The following FAM227B variants were observed in gnomAD, a reference collection of about 807,000 sequenced individuals.
FAM227B encodes family with sequence similarity 227 member B, also known as protein FAM227B.
A neutral mutation model predicts 73.8 loss-of-function variants in FAM227B; 88 were observed. That is an observed-to-expected ratio of 1.19 (90% CI 1.00 to 1.42). FAM227B has a LOEUF of 1.42. FAM227B is among the 40% of genes most tolerant of loss of function. The pLI is 0.00. For synonymous variants in FAM227B, 210 were observed against 190.5 expected, an observed-to-expected ratio of 1.10 and a Z score of -0.84; for missense variants, 632 against 590.9, an observed-to-expected ratio of 1.07 and a Z score of -0.72.
intron 10 of FAM227B, among the ~76,000 whole-genome samples, chr15:49,527,588 C>A (rs929589113): frequency 3.3e-5 from 5 of 151,836 alleles, no homozygotes; most frequent in Non-Finnish European, 7.4e-5. Context: ...ATGACATGAT[C>A]TTTTACCTAG....
intron 9 of FAM227B, among the ~76,000 whole-genome samples, chr15:49,545,945 T>TTCC (rs145965352): frequency 1.3e-5 from 1 of 79,314 alleles, no homozygotes; most frequent in Admixed American, 1.1e-4. Context: ...GGAGTAGCTA[T>TTCC]TTTTTTTTTT....
intron 11 of FAM227B, 35 bp from the exon 12 acceptor site, chr15:49,371,434 G>T: frequency 2.2e-6 from 3 of 1,336,904 alleles, no homozygotes; most frequent in South Asian, 1.3e-5. Context: ...TTAAAATTCT[G>T]GTATTTTTTT....
chr15:49,615,128 C>T lies in FAM227B; in HGVS notation c.44G>A (p.Gly15Asp), dbSNP rs753547359. The T allele has an allele frequency of 2.5e-6, 4 of 1,613,772 alleles. No individual in the cohort carries two copies. The highest frequency in any genetic ancestry group is 3.4e-6 in the Non-Finnish European group (4 of 1,179,788). ...CTGTGGAAGCTTCCTTACCCCGGGG[C>T]CAGCTCTGCTGCTCCTCCTTTGACA... The part of the protein sequence containing the change: ...RTCQRRSSRA[G>D]PGKMQEPPKS... The change falls in exon 2 of 16, where the codon GGC becomes GAC. Residue 15 changes from glycine (G) to aspartate (D), a missense_variant. Physicochemically the swap from Gly to Asp is moderately conservative, Grantham distance 94 (BLOSUM62 -1). Coordinates refer to ENST00000299338, the MANE Select transcript of FAM227B (RefSeq NM_152647.3).
chr15:49,509,238 A>T (rs1173225113), intron 10 of FAM227B, among the ~76,000 whole-genome samples: 1 of 152,162 alleles, frequency 6.6e-6, no homozygotes, highest in East Asian at 1.9e-4. Flanking sequence ...TGGTTTGTTT[A>T]AAAATCAAAA....
chr15:49,501,531 T>C (rs1478429103), intron 11 of FAM227B, among the ~76,000 whole-genome samples: 2 of 152,118 alleles, frequency 1.3e-5, no homozygotes, highest in African/African-American at 4.8e-5. Flanking sequence ...CCCTGGCTGC[T>C]TGCAACAGAC....
At chr15:49,541,874 G>T in intron 9 of FAM227B, 68 bp from the exon 10 acceptor site, 3 of 1,144,016 alleles carry the variant, frequency 2.6e-6, no homozygotes, top group South Asian at 7.2e-5. Context: ...AGCTGCCAAA[G>T]AAATTATTAT....
intron 9 of FAM227B, among the ~76,000 whole-genome samples, chr15:49,543,324 T>G (rs1291442833): frequency 6.6e-6 from 1 of 152,220 alleles, no homozygotes; most frequent in Non-Finnish European, 1.5e-5. Flanking sequence ...GAACTGTCTA[T>G]TCATGTCCTT....
chr15:49,372,473 C>T (rs2045910793), intron 11 of FAM227B, among the ~76,000 whole-genome samples: 1 of 152,080 alleles, frequency 6.6e-6, no homozygotes, highest in African/African-American at 2.4e-5. Flanking sequence ...AGCAATGACC[C>T]TCTAATTAAA....
chr15:49,501,121 C>T (rs1375360022), intron 11 of FAM227B, among the ~76,000 whole-genome samples: 2 of 152,066 alleles, frequency 1.3e-5, no homozygotes, highest in Non-Finnish European at 2.9e-5. Context: ...TGAACTAATA[C>T]AGAAAGTTGG....
At chr15:49,591,754 C>A (rs1186183778) in intron 3 of FAM227B, among the ~76,000 whole-genome samples, 1 of 151,974 alleles carries the variant, frequency 6.6e-6, no homozygotes, top group South Asian at 2.1e-4. Flanking sequence ...CAAAATGCTG[C>A]GATTACAGGC....
intron 11 of FAM227B, among the ~76,000 whole-genome samples, chr15:49,501,237 C>A (rs746819096): frequency 2.0e-5 from 3 of 152,056 alleles, no homozygotes; most frequent in African/African-American, 7.2e-5. Context: ...CAGAAGAAGA[C>A]AGGAAGATGA....
At chr15:49,585,708 G>T (rs2076113995) in intron 5 of FAM227B, among the ~76,000 whole-genome samples, 1 of 152,114 alleles carries the variant, frequency 6.6e-6, no homozygotes, top group Non-Finnish European at 1.5e-5. Flanking sequence ...GGGTGGAGGG[G>T]GGAGGGATAG....
rs571552373 is a variant in FAM227B, at chr15:49,334,990, G to A, written c.1349+429C>T. Among the ~76,000 whole-genome samples the A allele has an allele frequency of 1.4e-4, 21 of 152,244 alleles. No individual in the cohort carries two copies. In the East Asian group the frequency reaches 4.1e-3, roughly 29 times the overall value. On this transcript the variant is annotated intron_variant, in intron 14 of 15. Coordinates refer to ENST00000299338, the MANE Select transcript of FAM227B (RefSeq NM_152647.3). ...TGAATAACTGCAAATGTTCCCCCAA[G>A]AAAACATTTCAGGAAGGACTTTGCT...
chr15:49,424,455 C>T (rs1284399980), intron 11 of FAM227B: 3 of 1,613,496 alleles, frequency 1.9e-6, no homozygotes, highest in Non-Finnish European at 2.5e-6. Context: ...GAGCGACACA[C>T]AAGAAGTTAT....
intron 11 of FAM227B, among the ~76,000 whole-genome samples, chr15:49,391,803 C>G (rs1237275041): frequency 2.0e-5 from 3 of 152,114 alleles, no homozygotes; most frequent in Non-Finnish European, 4.4e-5. Flanking sequence ...TTGACTGTAA[C>G]TTCTGCTTTC....
At chr15:49,469,136 G>T (rs1367614199) in intron 11 of FAM227B, among the ~76,000 whole-genome samples, 1 of 152,028 alleles carries the variant, frequency 6.6e-6, no homozygotes, top group Non-Finnish European at 1.5e-5. Context: ...ATAAATGTAA[G>T]ACTGAATGAA....
At chr15:49,609,601 A>G (rs2077754583) in intron 3 of FAM227B, among the ~76,000 whole-genome samples, 1 of 151,978 alleles carries the variant, frequency 6.6e-6, no homozygotes, top group African/African-American at 2.4e-5. Context: ...CTAAGCATCT[A>G]TGTGCCTGGC....
At chr15:49,374,345 A>C (rs901642635) in intron 11 of FAM227B, among the ~76,000 whole-genome samples, 10 of 152,206 alleles carry the variant, frequency 6.6e-5, no homozygotes, top group Non-Finnish European at 1.5e-4. Context: ...TATAGAATGC[A>C]CCAAAATAGC....
intron 11 of FAM227B, among the ~76,000 whole-genome samples, chr15:49,376,969 A>AT (rs920838168): frequency 1.1e-4 from 16 of 151,744 alleles, no homozygotes; most frequent in Admixed American, 5.9e-4. Context: ...GGTCTTATTC[A>AT]TTTTTTCTAG....
Sources: gnomAD v4.1 joint callset for allele counts (sites outside exome capture counted in the v4.1 genomes callset) on GRCh38, gnomAD v4.1.1 for gene constraint, MANE v1.5 for transcripts, NCBI Gene and HGNC (gene_info 2026-07-23, HGNC 2026-07-21) for gene names.